Variants in ANXA3 observed in about 807,000 individuals in gnomAD.
ANXA3 encodes 35-alpha calcimedin.
In ANXA3, 46 loss-of-function variants were observed where a neutral mutation model predicts 48.8. The ratio of observed to expected loss-of-function variants is 0.94; its 90% confidence interval spans 0.74 to 1.21. ANXA3 has a LOEUF of 1.21. Among genes scored for constraint, ANXA3 ranks in the 50% most tolerant of loss-of-function variants. ANXA3 has a pLI of 0.00. For synonymous variants in ANXA3, 128 were observed against 134.7 expected, an observed-to-expected ratio of 0.95 and a Z score of 0.35; for missense variants, 383 against 378.6, an observed-to-expected ratio of 1.01 and a Z score of -0.10.
intron 7 of ANXA3, among the ~76,000 whole-genome samples, chr4:78,593,809 T>C (rs1180837759): frequency 7.0e-6 from 1 of 142,650 alleles, no homozygotes; most frequent in Non-Finnish European, 1.5e-5. Context: ...GCTAATTTTT[T>C]TTTTTTTTTT....
chr4:78,554,575 G>C, intron 2 of ANXA3, 87 bp downstream of exon 2: 4 of 1,258,718 alleles, frequency 3.2e-6, no homozygotes, highest in Non-Finnish European at 4.6e-6. Flanking sequence ...GAAAATTTTA[G>C]GAAAGTTTTT....
rs1560445088 is a variant in ANXA3, at chr4:78,579,011, CTT to C, written c.104-13_104-12del. 1.1e-5 allele frequency: 18 copies of C among 1,571,134 alleles called. No individual in the cohort carries two copies. The Admixed American group carries it at 2.8e-4, about 25-fold the overall frequency. ...TGAGCATAAATATTGAGTAAAATAA[CTT>C]TTGTTTCATTTAGGAACTGATGAGA... On this transcript the variant is annotated splice_polypyrimidine_tract_variant and intron_variant, in intron 3 of 12. Transcript: ENST00000264908.
intron 1 of ANXA3, among the ~76,000 whole-genome samples, chr4:78,552,660 G>C (rs1722423720): frequency 6.6e-6 from 1 of 152,176 alleles, no homozygotes; most frequent in Non-Finnish European, 1.5e-5. Context: ...GCATAGCCCA[G>C]GCCGAATTCT....
At chr4:78,571,700 A>T (rs1473182785) in intron 2 of ANXA3, among the ~76,000 whole-genome samples, 2 of 152,250 alleles carry the variant, frequency 1.3e-5, no homozygotes, top group African/African-American at 4.8e-5. Flanking sequence ...GAAGTTAGGA[A>T]CTACCACATA....
At chr4:78,604,247 T>C in intron 11 of ANXA3, 30 bp from the exon 12 acceptor site, 1 of 1,577,434 alleles carries the variant, frequency 6.3e-7, no homozygotes. Context: ...CAATGACATT[T>C]GTGTTGTGAA....
intron 2 of ANXA3, among the ~76,000 whole-genome samples, chr4:78,555,305 A>G (rs931625343): frequency 6.6e-6 from 1 of 152,254 alleles, no homozygotes; most frequent in African/African-American, 2.4e-5. Flanking sequence ...CGCCTAAAAG[A>G]AAAATATTGA....
intron 3 of ANXA3, among the ~76,000 whole-genome samples, chr4:78,575,322 A>G (rs913049630): frequency 6.6e-6 from 1 of 151,708 alleles, no homozygotes; most frequent in African/African-American, 2.4e-5. Flanking sequence ...TTTTTTTAAC[A>G]TTGGTGACAT....
intron 3 of ANXA3, among the ~76,000 whole-genome samples, chr4:78,575,516 GCT>G (rs1722930494): frequency 6.6e-6 from 1 of 151,906 alleles, no homozygotes; most frequent in African/African-American, 2.4e-5. Context: ...CCCTGCACAA[GCT>G]CTCTCCTTGC....
rs1723608668 is a variant in ANXA3 at position 78,604,483 on chromosome 4, A to T, written c.912+84A>T. ...CTCTTATATGCCTTAAAATATAAAG[A>T]TATTTGACTTAGATTTCTCTCTCCT... On this transcript the variant is annotated intron_variant, in intron 12 of 12. Coordinates refer to ENST00000264908, the MANE Select transcript of ANXA3 (RefSeq NM_005139.3). 2.6e-6 allele frequency: 3 copies of T among 1,175,584 alleles called. No individual in the cohort carries two copies. In the East Asian group the frequency reaches 7.4e-5, roughly 29 times the overall value. The allele number at this position is 1,175,584 out of a possible 1,614,324, so 72.8% of individuals were successfully genotyped here.
At position 78,570,787 on chromosome 4, in the gene ANXA3, G is replaced by T. The variant is rs552683863; in HGVS notation, c.16-2393G>T. Among the ~76,000 whole-genome samples, 5 of 152,300 alleles carry T rather than the reference G, an allele frequency of 3.3e-5. No homozygotes were observed. The South Asian group carries it at 1.0e-3, about 32-fold the overall frequency. ...ATATATAAAGTGCTTAGCATGTAAAGTGTGCTGGGCATGAAGCATTCAAAC... is the reference window on the plus strand; with the variant it reads ...ATATATAAAGTGCTTAGCATGTAAATTGTGCTGGGCATGAAGCATTCAAAC... On this transcript the variant is annotated intron_variant, in intron 2 of 12. Transcript: ENST00000264908.
At chr4:78,588,105 G>T (rs1263913096) in intron 6 of ANXA3, among the ~76,000 whole-genome samples, 1 of 151,684 alleles carries the variant, frequency 6.6e-6, no homozygotes, top group Non-Finnish European at 1.5e-5. Flanking sequence ...CAAAAGAATT[G>T]CTTAAGCTGG....
At chr4:78,597,162 A>T in intron 9 of ANXA3, 157 bp from the exon 10 acceptor site, 1 of 574,812 alleles carries the variant, frequency 1.7e-6, no homozygotes. Flanking sequence ...AAAGGAACAA[A>T]AGAAAAACAA....
At chr4:78,598,296 T>C (rs1410724481) in intron 10 of ANXA3, among the ~76,000 whole-genome samples, 19 of 151,584 alleles carry the variant, frequency 1.3e-4, no homozygotes, top group Admixed American at 9.8e-4. Context: ...TTCTTTCTTT[T>C]TTTTTTTTCT....
chr4:78,604,437 C>T (rs199909843), intron 12 of ANXA3, 38 bp downstream of exon 12: 82 of 1,399,748 alleles, frequency 5.9e-5, no homozygotes, highest in Non-Finnish European at 7.6e-5. Context: ...CATATTTTGC[C>T]CTTCTCTACC....
chr4:78,595,728 A>T (rs1465551196), intron 8 of ANXA3, 66 bp from the exon 9 acceptor site: 1 of 1,011,726 alleles, frequency 9.9e-7, no homozygotes, highest in Non-Finnish European at 1.5e-6. Context: ...TACAACTCCG[A>T]TTCTTCTCAT....
At chr4:78,570,363 C>T (rs1029479934) in intron 2 of ANXA3, among the ~76,000 whole-genome samples, 1 of 152,122 alleles carries the variant, frequency 6.6e-6, no homozygotes, top group Non-Finnish European at 1.5e-5. Context: ...GAGTGCAAAC[C>T]CTGAGTTTTC....
chr4:78,588,067 G>A (rs950258745), intron 6 of ANXA3, among the ~76,000 whole-genome samples: 4 of 152,228 alleles, frequency 2.6e-5, no homozygotes, highest in African/African-American at 9.6e-5. Context: ...CTGCACTCCA[G>A]CCTGGGCAAC....
At chr4:78,594,897 G>T (rs943159970) in intron 7 of ANXA3, among the ~76,000 whole-genome samples, 1 of 152,176 alleles carries the variant, frequency 6.6e-6, no homozygotes, top group Admixed American at 6.5e-5. Context: ...GATTCAGGAG[G>T]CTGAGGTGGG....
intron 2 of ANXA3, among the ~76,000 whole-genome samples, chr4:78,566,192 G>T (rs1722727044): frequency 6.6e-6 from 1 of 152,090 alleles, no homozygotes; most frequent in Non-Finnish European, 1.5e-5. Flanking sequence ...TATAACTCAT[G>T]TGTCATGGAA....
Sources: allele counts gnomAD v4.1 joint callset (sites outside exome capture counted in the v4.1 genomes callset), GRCh38; gene constraint gnomAD v4.1.1; transcripts MANE v1.5; gene names NCBI Gene and HGNC (gene_info 2026-07-23, HGNC 2026-07-21).